Variants in OSBPL1A observed in about 807,000 individuals in gnomAD.
The protein encoded by OSBPL1A is oxysterol binding protein like 1A, also known as oxysterol-binding protein-related protein 1.
Under a neutral mutation model 137.1 loss-of-function variants are expected in OSBPL1A, and 80 were observed. The observed-to-expected ratio is 0.58, with a 90% CI of 0.49 to 0.70. The LOEUF is 0.70. Ranked by LOEUF, OSBPL1A falls within the 30% of genes least tolerant of loss-of-function variation. OSBPL1A has a pLI of 0.00. For missense variants in OSBPL1A, 970 were observed against 1,129.4 expected, an observed-to-expected ratio of 0.86 and a Z score of 2.02; for synonymous variants, 365 against 389.7, an observed-to-expected ratio of 0.94 and a Z score of 0.75.
chr18:24,286,990 G>T (rs994835728), intron 14 of OSBPL1A, among the ~76,000 whole-genome samples: 1 of 152,088 alleles, frequency 6.6e-6, no homozygotes, highest in Admixed American at 6.6e-5. Flanking sequence ...AAGAGTAAGA[G>T]GAGAAGGATA....
chr18:24,283,590 T>C (rs1033782193), intron 14 of OSBPL1A, among the ~76,000 whole-genome samples: 1 of 152,234 alleles, frequency 6.6e-6, no homozygotes, highest in Admixed American at 6.5e-5. Context: ...AGGTGCCATA[T>C]GACTTAAATA....
At chr18:24,361,189 C>A (rs114365827) in intron 4 of OSBPL1A, among the ~76,000 whole-genome samples, 1 of 152,136 alleles carries the variant, frequency 6.6e-6, no homozygotes, top group African/African-American at 2.4e-5. Context: ...GCTACCACAT[C>A]TGGCTAATTT....
rs1348172214 is a variant in OSBPL1A, at chr18:24,377,302, C to T, written c.121+111G>A. On this transcript the variant is annotated intron_variant, in intron 2 of 27. Coordinates refer to ENST00000319481, the MANE Select transcript of OSBPL1A (RefSeq NM_080597.4). ...CTCCAATCTGTGGGGTTCTTCCTAG[C>T]ATGAGAGATAGAGATTAATTACATG... 5 of 1,314,090 alleles carry T rather than the reference C, an allele frequency of 3.8e-6. No homozygotes were observed. In the Admixed American group the frequency reaches 1.4e-4, roughly 36 times the overall value. The allele number at this position is 1,314,090 out of a possible 1,614,324, so 81.4% of individuals were successfully genotyped here. A position where few individuals can be genotyped will look rare whatever the true frequency, so the allele number is the denominator to read the frequency against.
intron 16 of OSBPL1A, among the ~76,000 whole-genome samples, chr18:24,227,881 A>T (rs2088137600): frequency 6.6e-6 from 1 of 152,228 alleles, no homozygotes; most frequent in East Asian, 1.9e-4. Flanking sequence ...CATGAAAATC[A>T]TAAAGCAATG....
intron 14 of OSBPL1A, among the ~76,000 whole-genome samples, chr18:24,283,325 C>G (rs1444700171): frequency 7.2e-6 from 1 of 139,510 alleles, no homozygotes; most frequent in Non-Finnish European, 1.5e-5. Flanking sequence ...CACACACACA[C>G]AGACACACAC....
intron 1 of OSBPL1A, among the ~76,000 whole-genome samples, chr18:24,395,380 C>T (rs1047050182): frequency 2.0e-5 from 3 of 152,142 alleles, no homozygotes; most frequent in African/African-American, 7.2e-5. Flanking sequence ...AGCTCAGCTT[C>T]CAGTAATGTC....
At chr18:24,310,878 G>A (rs1007860189) in intron 13 of OSBPL1A, among the ~76,000 whole-genome samples, 19 of 152,092 alleles carry the variant, frequency 1.2e-4, no homozygotes, top group African/African-American at 4.6e-4. Context: ...CTTGTTTAAT[G>A]TAATTTTGGC....
Position 24,317,220 on chromosome 18 carries a change from A to G in OSBPL1A, c.807-8T>C. On this transcript the variant is annotated splice_region_variant and splice_polypyrimidine_tract_variant and intron_variant, in intron 10 of 27. Coordinates refer to ENST00000319481, the MANE Select transcript of OSBPL1A (RefSeq NM_080597.4). Reference sequence around the variant, plus strand: ...TTATGAACTGCATCAGGCCTTCAAAATAAAAATGAAATTATCAAGACAAAA... The same window carrying G: ...TTATGAACTGCATCAGGCCTTCAAAGTAAAAATGAAATTATCAAGACAAAA... The G allele has an allele frequency of 1.9e-6, 3 of 1,613,926 alleles. No individual in the cohort carries two copies. Among genetic ancestry groups the G allele is most frequent in the Non-Finnish European group, 2.5e-6 (3 of 1,179,848 alleles).
intron 18 of OSBPL1A, among the ~76,000 whole-genome samples, chr18:24,185,283 T>C (rs2086714776): frequency 6.6e-6 from 1 of 151,952 alleles, no homozygotes; most frequent in African/African-American, 2.4e-5. Flanking sequence ...GTATAAACTA[T>C]GAACTTGGGG....
At chr18:24,282,109 CTG>C (rs1389781553) in intron 14 of OSBPL1A, among the ~76,000 whole-genome samples, 2 of 150,592 alleles carry the variant, frequency 1.3e-5, no homozygotes, top group East Asian at 3.9e-4. Context: ...CATGGAAAAA[CTG>C]TCTTCCACAA....
chr18:24,397,224 G>T (rs1052671808), intron 1 of OSBPL1A, among the ~76,000 whole-genome samples: 1 of 152,184 alleles, frequency 6.6e-6, no homozygotes, highest in Non-Finnish European at 1.5e-5. Flanking sequence ...GCGGTACATT[G>T]GGAAACGGTC....
intron 15 of OSBPL1A, among the ~76,000 whole-genome samples, chr18:24,267,153 T>TAAAAAAAAAAA (rs35547594): frequency 7.0e-6 from 1 of 143,394 alleles, no homozygotes. Flanking sequence ...CAACCTAAGT[T>TAAAAAAAAAAA]AAAAAAAAAA....
chr18:24,393,462 A>T (rs1006885197), intron 1 of OSBPL1A, among the ~76,000 whole-genome samples: 13 of 151,792 alleles, frequency 8.6e-5, no homozygotes, highest in Non-Finnish European at 1.3e-4. Flanking sequence ...TTTTATTTTT[A>T]TTTTTTTTGA....
chr18:24,291,650 C>A (rs1330113284), intron 14 of OSBPL1A, among the ~76,000 whole-genome samples: 3 of 151,822 alleles, frequency 2.0e-5, no homozygotes, highest in Non-Finnish European at 4.4e-5. Context: ...AATTAAAGAA[C>A]AGAGTTTCAA....
intron 5 of OSBPL1A, among the ~76,000 whole-genome samples, chr18:24,341,177 A>T (rs754748170): frequency 4.5e-4 from 69 of 152,134 alleles, no homozygotes; most frequent in South Asian, 1.2e-3. Context: ...TAATTTTTTT[A>T]AAATTTTTTG....
intron 3 of OSBPL1A, 67 bp downstream of exon 3, chr18:24,368,220 T>C: frequency 7.6e-7 from 1 of 1,311,124 alleles, no homozygotes; most frequent in South Asian, 1.3e-5. Flanking sequence ...TTCTAAGACT[T>C]TCATCTTAAA....
intron 5 of OSBPL1A, among the ~76,000 whole-genome samples, chr18:24,341,318 T>G (rs1266960249): frequency 6.6e-6 from 1 of 152,186 alleles, no homozygotes; most frequent in Admixed American, 6.5e-5. Context: ...GAAAAACAGA[T>G]TTTTAAAACT....
chr18:24,351,671 C>T lies in OSBPL1A; in HGVS notation c.283-10013G>A, dbSNP rs116447263. On this transcript the variant is annotated intron_variant, in intron 4 of 27. Coordinates refer to ENST00000319481, the MANE Select transcript of OSBPL1A (RefSeq NM_080597.4). ...ACTCCTGCCCCAGCCTCCTGAGTAG[C>T]GGGGATTATAGGTGTGTGCCACCAT... Among the ~76,000 whole-genome samples, 976 of 152,204 alleles carry T rather than the reference C, an allele frequency of 6.4e-3. 9 individuals are homozygous for T. The highest frequency in any genetic ancestry group is 0.022 in the African/African-American group (931 of 41,546).
rs529411928 is a variant in OSBPL1A, at chr18:24,227,669, G to A, written c.1445-2471C>T. ...TTTTGAAACAGTGGAATTGGTGCTCGGGCGGAGGTGAGAGAGGTGCTCCAG... is the reference window on the plus strand; with the variant it reads ...TTTTGAAACAGTGGAATTGGTGCTCAGGCGGAGGTGAGAGAGGTGCTCCAG... On this transcript the variant is annotated intron_variant, in intron 16 of 27. Transcript: ENST00000319481. Among the ~76,000 whole-genome samples, 99 of 152,240 alleles carry A rather than the reference G, an allele frequency of 6.5e-4. 1 individual carries two copies. Among genetic ancestry groups the A allele is most frequent in the Admixed American group, 6.0e-3 (92 of 15,298 alleles).
Sources: gnomAD v4.1 joint callset for allele counts (sites outside exome capture counted in the v4.1 genomes callset) on GRCh38, gnomAD v4.1.1 for gene constraint, MANE v1.5 for transcripts, NCBI Gene and HGNC (gene_info 2026-07-23, HGNC 2026-07-21) for gene names.